Variants in OR3A3 observed in about 807,000 individuals in gnomAD.
The protein encoded by OR3A3 is olfactory receptor 3A3.
For missense variants in OR3A3, 275 were observed against 391.4 expected (o/e 0.70, Z 2.51); for synonymous variants, 103 against 163.9 (o/e 0.63, Z 2.84).
rs148560545 is a variant in OR3A3 at position 3,420,493 on chromosome 17, G to A, written c.-6-87G>A. 5.0e-4 allele frequency: 771 copies of A among 1,550,954 alleles called. 7 individuals are homozygous for A. The African/African-American group carries it at 9.1e-3, about 18-fold the overall frequency. ...GGAGTGAGGGATGGCCTGGGGACTC[G>A]CCACGGGGCTTTGAACATAAATGGT... On this transcript the variant is annotated intron_variant, in intron 2 of 2. Transcript: ENST00000641141.
intron 2 of OR3A3, among the ~76,000 whole-genome samples, chr17:3,413,055 GAA>G (rs768719558): frequency 1.3e-5 from 2 of 152,214 alleles, no homozygotes; most frequent in African/African-American, 4.8e-5. Flanking sequence ...TACTGCTATT[GAA>G]AAGACTGAAT....
chr17:3,412,401 C>A (rs532463721), intron 2 of OR3A3, among the ~76,000 whole-genome samples: 441 of 147,408 alleles, frequency 3.0e-3, no homozygotes, highest in South Asian at 0.021. Context: ...GAGACTCGCT[C>A]AGACCAGTTC....
At chr17:3,413,838 C>CA (rs1361048923) in intron 2 of OR3A3, among the ~76,000 whole-genome samples, 27 of 140,428 alleles carry the variant, frequency 1.9e-4, no homozygotes, top group Middle Eastern at 7.3e-3. Flanking sequence ...AACAAAAAAA[C>CA]AAAAAACAAA....
exon 3 of OR3A3, chr17:3,421,639 A>C: frequency 7.6e-7 from 1 of 1,310,616 alleles, no homozygotes; most frequent in Non-Finnish European, 1.0e-6. Context: ...CTGATGCCTG[A>C]GGAGTGGTGT....
chr17:3,416,110 C>T (rs2072390125), intron 2 of OR3A3, among the ~76,000 whole-genome samples: 1 of 151,902 alleles, frequency 6.6e-6, no homozygotes, highest in Non-Finnish European at 1.5e-5. Context: ...CTGCACCTGG[C>T]CTACTTAGTT....
At chr17:3,417,006 C>T (rs2072396225) in intron 2 of OR3A3, among the ~76,000 whole-genome samples, 1 of 152,078 alleles carries the variant, frequency 6.6e-6, no homozygotes, top group Non-Finnish European at 1.5e-5. Flanking sequence ...CTCCAATCAC[C>T]ACCATTCTAT....
exon 3 of OR3A3, chr17:3,422,420 T>C (rs1484898559): frequency 6.6e-6 from 1 of 152,184 alleles, no homozygotes; most frequent in Non-Finnish European, 1.5e-5. Context: ...GCGTTTATGT[T>C]CCAACTAGGT....
chr17:3,413,610 C>A (rs141645525), intron 2 of OR3A3, among the ~76,000 whole-genome samples: 80 of 152,080 alleles, frequency 5.3e-4, no homozygotes, highest in African/African-American at 1.9e-3. Flanking sequence ...GTCAGTTGTT[C>A]GAGACCAACC....
exon 3 of OR3A3, chr17:3,421,090 C>T (rs2072431130): frequency 6.2e-7 from 1 of 1,614,192 alleles, no homozygotes; most frequent in Non-Finnish European, 8.5e-7. Context: ...CATGTCCACG[C>T]TCAACTTCTG....
At chr17:3,414,912 AAT>A (rs72060894) in intron 2 of OR3A3, among the ~76,000 whole-genome samples, 24,315 of 149,814 alleles carry the variant, frequency 0.16, 2,363 homozygotes, top group East Asian at 0.36. Flanking sequence ...TCATTAAAAA[AAT>A]AATATAGGTA....
intron 1 of OR3A3, among the ~76,000 whole-genome samples, 163 bp downstream of exon 1, chr17:3,411,647 C>G (rs1412606886): frequency 6.6e-6 from 1 of 152,200 alleles, no homozygotes; most frequent in Non-Finnish European, 1.5e-5. Flanking sequence ...TGCACTCCAG[C>G]CTGGGCGACA....
At chr17:3,414,261 C>T (rs1277485968) in intron 2 of OR3A3, among the ~76,000 whole-genome samples, 3 of 152,138 alleles carry the variant, frequency 2.0e-5, no homozygotes, top group Non-Finnish European at 2.9e-5. Flanking sequence ...TCAGTAGAGA[C>T]GGGGTTTCAC....
intron 2 of OR3A3, among the ~76,000 whole-genome samples, chr17:3,416,484 A>G (rs2150680842): frequency 6.6e-6 from 1 of 150,558 alleles, no homozygotes; most frequent in Non-Finnish European, 1.5e-5. Context: ...CTTCTTTTAT[A>G]TTCTTGAATA....
chr17:3,417,923 C>T (rs947885666), intron 2 of OR3A3, among the ~76,000 whole-genome samples: 3 of 152,128 alleles, frequency 2.0e-5, no homozygotes, highest in South Asian at 2.1e-4. Context: ...CTCTAGAAGC[C>T]GGTCTTCAGT....
At chr17:3,412,598 CAG>C (rs2072368465) in intron 2 of OR3A3, among the ~76,000 whole-genome samples, 1 of 135,340 alleles carries the variant, frequency 7.4e-6, no homozygotes, top group African/African-American at 2.6e-5. Context: ...GGGACCCTGT[CAG>C]ACCCTCTGGG....
chr17:3,414,051 G>A (rs147367028), intron 2 of OR3A3, among the ~76,000 whole-genome samples: 1,776 of 152,092 alleles, frequency 0.012, 11 homozygotes, highest in Non-Finnish European at 0.019. Context: ...ATGAAACTGC[G>A]GGTCAGTCTT....
chr17:3,419,857 C>A (rs1360324554), intron 2 of OR3A3, among the ~76,000 whole-genome samples: 2 of 151,580 alleles, frequency 1.3e-5, no homozygotes, highest in Admixed American at 6.6e-5. Context: ...CCTCAGCCTC[C>A]CAGGTTCACG....
chr17:3,421,516 A>G (rs227787), exon 3 of OR3A3: 380,471 of 1,527,458 alleles, frequency 0.25, 51,323 homozygotes, highest in South Asian at 0.44. Context: ...ACTTGTGGGG[A>G]AGCGATCACT....
intron 2 of OR3A3, among the ~76,000 whole-genome samples, chr17:3,415,694 CATT>C (rs1461874617): frequency 2.0e-5 from 3 of 150,212 alleles, no homozygotes; most frequent in Non-Finnish European, 3.0e-5. Flanking sequence ...TTACTTGTCT[CATT>C]AGTGACTTGA....
Sources: gnomAD v4.1 joint callset for allele counts (sites outside exome capture counted in the v4.1 genomes callset) on GRCh38, gnomAD v4.1.1 for gene constraint, MANE v1.5 for transcripts, NCBI Gene and HGNC (gene_info 2026-07-23, HGNC 2026-07-21) for gene names.